ASTN1: variants seen among roughly 807,000 people sequenced by gnomAD.
ASTN1 encodes the protein astrotactin-1.
Under a neutral mutation model 140.7 loss-of-function variants are expected in ASTN1, and 41 were observed. The observed-to-expected ratio is 0.29, with a 90% confidence interval of 0.23 to 0.38. The LOEUF is 0.38. ASTN1 is among the 10% of genes least tolerant of loss of function. The probability of loss-of-function intolerance (pLI) is 1.00; values close to 1 mark genes in which losing one functional copy is unlikely to be tolerated. For missense variants in ASTN1, 1,479 were observed against 1,678.8 expected, an observed-to-expected ratio of 0.88 and a Z score of 2.08; for synonymous variants, 640 against 652.2, an observed-to-expected ratio of 0.98 and a Z score of 0.29.
At chr1:177,078,997 C>T (rs1679056415) in intron 1 of ASTN1, among the ~76,000 whole-genome samples, 2 of 152,140 alleles carry the variant, frequency 1.3e-5, no homozygotes, top group Non-Finnish European at 2.9e-5. Context: ...CCTAATGCCA[C>T]CAAATGGACC....
At chr1:177,016,624 C>G (rs958523320) in intron 7 of ASTN1, among the ~76,000 whole-genome samples, 1 of 152,098 alleles carries the variant, frequency 6.6e-6, no homozygotes, top group African/African-American at 2.4e-5. Flanking sequence ...ATTGAGAAGG[C>G]TTCACACCTT....
At chr1:176,859,353 T>C (rs1242758258), downstream of ASTN1, among the ~76,000 whole-genome samples, 1 of 152,112 alleles carries the variant, frequency 6.6e-6, no homozygotes, top group East Asian at 1.9e-4. Context: ...GATGGGGACA[T>C]TGTGGATGTA....
chr1:177,023,500 G>A lies in ASTN1; in HGVS notation c.1342C>T (p.Leu448Phe). Residue 448 changes from leucine (L) to phenylalanine (F), a missense_variant, in exon 7 of 23, where the codon CTC becomes TTC. Around this residue, in one of 3 missense-constraint regions of ASTN1, gnomAD observed 729 missense variants for 860.4 expected, o/e 0.85. Transcript: ENST00000361833. ...SDWLNPAQVVLFSQQNSSGPW... is the reference protein window; with the variant it reads ...SDWLNPAQVVFFSQQNSSGPW... ...CCGCTGGAGTTCTGCTGAGAGAAGA[G>A]AACCACTTGGGCAGGGTTCAGCCAG... The A allele has an allele frequency of 6.2e-7, 1 of 1,612,516 alleles. No homozygotes were observed.
intron 20 of ASTN1, among the ~76,000 whole-genome samples, chr1:176,877,452 G>T (rs1259635582): frequency 6.6e-6 from 1 of 152,178 alleles, no homozygotes; most frequent in Non-Finnish European, 1.5e-5. Context: ...CTGTGGACCA[G>T]GAATCCAGAG....
chr1:176,863,885 T>G lies in ASTN1; in HGVS notation c.*399A>C. On this transcript the variant is annotated 3_prime_UTR_variant, in exon 23 of 23. Transcript: ENST00000361833. ...AACAACTTTCTGGCCTCACCTCTGC[T>G]CCCAGTTGCAATGGATTTAGGAACT... 1 of 1,014,228 alleles carries G rather than the reference T, an allele frequency of 9.9e-7. No individual in the cohort carries two copies. Among genetic ancestry groups the G allele is most frequent in the Non-Finnish European group, 1.2e-6 (1 of 846,452 alleles). 62.8% of individuals were successfully genotyped at this position (1,014,228 alleles called of 1,614,324 possible).
chr1:177,012,483 G>C (rs192484648), intron 8 of ASTN1, among the ~76,000 whole-genome samples: 4 of 152,104 alleles, frequency 2.6e-5, no homozygotes, highest in Admixed American at 2.6e-4. Flanking sequence ...AGACCTCATA[G>C]ACAGTGATGA....
intron 2 of ASTN1, among the ~76,000 whole-genome samples, chr1:177,059,609 T>C (rs1373413357): frequency 6.6e-6 from 1 of 152,190 alleles, no homozygotes; most frequent in African/African-American, 2.4e-5. Context: ...CTCGTGTACA[T>C]GCAGGTAACC....
At chr1:176,904,411 T>C (rs545982380) in intron 16 of ASTN1, among the ~76,000 whole-genome samples, 3 of 152,048 alleles carry the variant, frequency 2.0e-5, no homozygotes, top group Non-Finnish European at 4.4e-5. Flanking sequence ...CTCCGGGATG[T>C]GGAGATCTGT....
At chr1:177,044,290 C>T (rs941162878) in intron 2 of ASTN1, among the ~76,000 whole-genome samples, 1 of 141,172 alleles carries the variant, frequency 7.1e-6, no homozygotes, top group Non-Finnish European at 1.6e-5. Context: ...CCTTGTTTTT[C>T]TGTTTTTTCA....
chr1:176,972,046 C>A (rs1048852613), intron 8 of ASTN1, among the ~76,000 whole-genome samples: 1 of 152,200 alleles, frequency 6.6e-6, no homozygotes, highest in Non-Finnish European at 1.5e-5. Context: ...CCTATTGCTC[C>A]TAGGCTATGA....
At chr1:176,899,530 AG>A (rs1183669743) in intron 16 of ASTN1, among the ~76,000 whole-genome samples, 2 of 152,252 alleles carry the variant, frequency 1.3e-5, no homozygotes. Context: ...TGACAGAAGC[AG>A]TTCATTAGGC....
chr1:177,123,345 C>G (rs1194400903), intron 1 of ASTN1, among the ~76,000 whole-genome samples: 1 of 152,162 alleles, frequency 6.6e-6, no homozygotes, highest in Non-Finnish European at 1.5e-5. Flanking sequence ...CATCAAGTAA[C>G]AGTAATTATC....
At chr1:176,943,533 G>A (rs1671828484) in intron 14 of ASTN1, among the ~76,000 whole-genome samples, 1 of 152,082 alleles carries the variant, frequency 6.6e-6, no homozygotes, top group Admixed American at 6.5e-5. Flanking sequence ...TAGCAATGAT[G>A]GATATTTAGG....
At position 176,864,210 on chromosome 1, in the gene ASTN1, A is replaced by G. The variant is rs541870703; in HGVS notation, c.*74T>C. 1 of 1,534,394 alleles carries G rather than the reference A, an allele frequency of 6.5e-7. No homozygotes were observed. Among genetic ancestry groups the G allele is most frequent in the East Asian group, 2.3e-5 (1 of 44,130 alleles). On this transcript the variant is annotated 3_prime_UTR_variant, in exon 23 of 23. Coordinates refer to ENST00000361833, the MANE Select transcript of ASTN1 (RefSeq NM_004319.3). ...CATGTTCCATTAAAAAATATTAAAA[A>G]TCCACAGACCAACCCAGATGGATCC...
At chr1:177,164,303 G>C in intron 1 of ASTN1, 91 bp downstream of exon 1, 2 of 1,337,800 alleles carry the variant, frequency 1.5e-6, no homozygotes, top group Non-Finnish European at 2.0e-6. Flanking sequence ...AGGGGAGGTC[G>C]TCGGCGAGTG....
chr1:177,138,191 G>T (rs1488532725), intron 1 of ASTN1, among the ~76,000 whole-genome samples: 1 of 152,160 alleles, frequency 6.6e-6, no homozygotes, highest in Admixed American at 6.5e-5. Flanking sequence ...ACCTTAAAAG[G>T]CTAAATTTGG....
intron 16 of ASTN1, among the ~76,000 whole-genome samples, chr1:176,896,667 C>G (rs1669518711): frequency 6.6e-6 from 1 of 152,154 alleles, no homozygotes; most frequent in African/African-American, 2.4e-5. Context: ...TATTACATAG[C>G]AATCAAGAAC....
intron 1 of ASTN1, among the ~76,000 whole-genome samples, chr1:177,163,372 A>G (rs1647501979): frequency 6.6e-6 from 1 of 152,218 alleles, no homozygotes; most frequent in Non-Finnish European, 1.5e-5. Context: ...CTCCATCTAC[A>G]CATGGAGAAG....
chr1:177,136,484 C>G (rs1571835447), intron 1 of ASTN1, among the ~76,000 whole-genome samples: 2 of 151,942 alleles, frequency 1.3e-5, no homozygotes, highest in African/African-American at 4.8e-5. Context: ...TTCTGAGTAG[C>G]TGGGAGTACA....
Sources: gnomAD v4.1 joint callset for allele counts (sites outside exome capture counted in the v4.1 genomes callset) on GRCh38, gnomAD v4.1.1 for gene constraint, gnomAD v4.1.1 regional missense constraint, MANE v1.5 for transcripts, NCBI Gene and HGNC (gene_info 2026-07-23, HGNC 2026-07-21) for gene names.